PARD3B: variants seen among roughly 807,000 people sequenced by gnomAD.
The protein encoded by PARD3B is partitioning defective 3 homolog B.
Under a neutral mutation model 130.2 loss-of-function variants are expected in PARD3B, and 103 were observed. The ratio of observed to expected loss-of-function variants is 0.79; its 90% confidence interval spans 0.67 to 0.93. The LOEUF is 0.93. Ranked by LOEUF, PARD3B falls within the 40% of genes least tolerant of loss-of-function variation. The probability of loss-of-function intolerance (pLI) is 0.00; values close to 1 mark genes in which losing one functional copy is unlikely to be tolerated. For missense variants in PARD3B, 1,609 were observed against 1,499.2 expected, an observed-to-expected ratio of 1.07 and a Z score of -1.21; for synonymous variants, 583 against 553.2, an observed-to-expected ratio of 1.05 and a Z score of -0.76.
At chr2:204,615,044 G>C (rs2034060450) in intron 1 of PARD3B, among the ~76,000 whole-genome samples, 1 of 152,130 alleles carries the variant, frequency 6.6e-6, no homozygotes, top group Non-Finnish European at 1.5e-5. Context: ...CATTTTTGCA[G>C]ATCTTAATGT....
intron 3 of PARD3B, among the ~76,000 whole-genome samples, chr2:205,019,517 G>A (rs1259588113): frequency 1.3e-5 from 2 of 152,050 alleles, no homozygotes; most frequent in Non-Finnish European, 2.9e-5. Flanking sequence ...GGAATGGCTG[G>A]GGCCACATGA....
intron 21 of PARD3B, among the ~76,000 whole-genome samples, chr2:205,512,525 C>T (rs2050624847): frequency 6.6e-6 from 1 of 152,144 alleles, no homozygotes; most frequent in African/African-American, 2.4e-5. Flanking sequence ...GCAGCAAAGT[C>T]AAAGTTGCAC....
At chr2:205,035,325 A>G (rs569737402) in intron 3 of PARD3B, among the ~76,000 whole-genome samples, 1 of 152,262 alleles carries the variant, frequency 6.6e-6, no homozygotes, top group African/African-American at 2.4e-5. Context: ...ACTTGTAACT[A>G]TGAAACTGCT....
chr2:204,633,811 CA>C (rs1425686279), intron 1 of PARD3B, among the ~76,000 whole-genome samples: 1 of 151,784 alleles, frequency 6.6e-6, no homozygotes, highest in South Asian at 2.1e-4. Flanking sequence ...GACTGTGTCT[CA>C]AAAAAACATA....
At chr2:205,186,865 G>C (rs893637231) in intron 14 of PARD3B, among the ~76,000 whole-genome samples, 1 of 152,080 alleles carries the variant, frequency 6.6e-6, no homozygotes, top group Admixed American at 6.6e-5. Flanking sequence ...TGCCTGCCTC[G>C]ATTCTGAATT....
At chr2:205,299,757 T>C (rs1372677872) in intron 16 of PARD3B, among the ~76,000 whole-genome samples, 2 of 152,126 alleles carry the variant, frequency 1.3e-5, no homozygotes, top group African/African-American at 2.4e-5. Context: ...TCAAATTCAG[T>C]TGTGCTCTAT....
At chr2:204,761,304 C>A (rs1013159934) in intron 2 of PARD3B, among the ~76,000 whole-genome samples, 3 of 152,142 alleles carry the variant, frequency 2.0e-5, no homozygotes, top group Admixed American at 6.6e-5. Flanking sequence ...ATGGGAATAA[C>A]CACATTTTAT....
intron 22 of PARD3B, among the ~76,000 whole-genome samples, chr2:205,560,946 A>G (rs2053110610): frequency 6.6e-6 from 1 of 152,220 alleles, no homozygotes; most frequent in African/African-American, 2.4e-5. Context: ...GAAATACGCC[A>G]TAAGAGCATG....
intron 1 of PARD3B, among the ~76,000 whole-genome samples, chr2:204,626,385 GAGAAGCAGTGTAGCTGC>G (rs779326720): frequency 6.6e-6 from 1 of 151,992 alleles, no homozygotes; most frequent in Non-Finnish European, 1.5e-5. Context: ...CTATTTTACT[GAGAAGCAGTGTAGCTGC>G]TTTCACATTC....
chr2:205,180,958 G>A (rs917219564), intron 13 of PARD3B, among the ~76,000 whole-genome samples: 6 of 152,100 alleles, frequency 3.9e-5, no homozygotes, highest in Admixed American at 3.9e-4. Context: ...AATCTTGCTG[G>A]CAGATCTTAC....
chr2:205,329,248 C>A (rs976788226), intron 18 of PARD3B, among the ~76,000 whole-genome samples: 1 of 152,084 alleles, frequency 6.6e-6, no homozygotes, highest in Non-Finnish European at 1.5e-5. Flanking sequence ...TTACAGAGAG[C>A]AAAGACTACA....
intron 1 of PARD3B, among the ~76,000 whole-genome samples, chr2:204,592,446 A>G (rs2033117104): frequency 1.3e-5 from 2 of 152,244 alleles, no homozygotes; most frequent in South Asian, 2.1e-4. Flanking sequence ...TTTAATAACA[A>G]TTGTGTTTTC....
At chr2:204,964,010 A>G (rs555004004) in intron 2 of PARD3B, among the ~76,000 whole-genome samples, 100 of 152,320 alleles carry the variant, frequency 6.6e-4, no homozygotes, top group Middle Eastern at 6.8e-3. Context: ...TGATTGGTTA[A>G]CCCTGCATTT....
At chr2:205,422,233 T>G (rs191250832) in intron 19 of PARD3B, among the ~76,000 whole-genome samples, 1 of 151,978 alleles carries the variant, frequency 6.6e-6, no homozygotes, top group East Asian at 1.9e-4. Flanking sequence ...CTGAGGCAAA[T>G]AAAGCTTTGT....
At chr2:205,007,658 C>T (rs1373366172) in intron 3 of PARD3B, among the ~76,000 whole-genome samples, 2 of 152,032 alleles carry the variant, frequency 1.3e-5, no homozygotes, top group Non-Finnish European at 1.5e-5. Context: ...CTTAGTATTG[C>T]TTCAGCTATG....
chr2:204,790,084 A>G (rs963734318), intron 2 of PARD3B, among the ~76,000 whole-genome samples: 2 of 152,042 alleles, frequency 1.3e-5, no homozygotes, highest in Admixed American at 1.3e-4. Flanking sequence ...GTTAGCCAGG[A>G]TGGTCTCGAT....
chr2:205,170,938 T>G (rs1437828677), intron 11 of PARD3B, among the ~76,000 whole-genome samples: 3 of 152,204 alleles, frequency 2.0e-5, no homozygotes, highest in Non-Finnish European at 4.4e-5. Context: ...CAAAGGGAAT[T>G]GTCGTGGAAG....
At chr2:205,604,654 T>C (rs1458594921) in intron 22 of PARD3B, among the ~76,000 whole-genome samples, 5 of 152,180 alleles carry the variant, frequency 3.3e-5, no homozygotes, top group African/African-American at 1.2e-4. Context: ...TCCTTCATTT[T>C]GACTTTGGAG....
chr2:205,308,523 C>T (rs1348955741), intron 18 of PARD3B, among the ~76,000 whole-genome samples: 3 of 144,316 alleles, frequency 2.1e-5, no homozygotes, highest in Non-Finnish European at 4.5e-5. Context: ...AGGAGAATGG[C>T]GTGAACCTGG....
Sources: gnomAD v4.1 joint callset for allele counts (sites outside exome capture counted in the v4.1 genomes callset) on GRCh38, gnomAD v4.1.1 for gene constraint, MANE v1.5 for transcripts, NCBI Gene and HGNC (gene_info 2026-07-23, HGNC 2026-07-21) for gene names.